Variants in EYS observed in about 807,000 individuals in gnomAD.
The protein encoded by EYS is protein eyes shut homolog.
In EYS, 250 loss-of-function variants were observed where a neutral mutation model predicts 282.1. That is an observed-to-expected ratio of 0.89 (90% CI 0.80 to 0.98). The LOEUF (loss-of-function observed/expected upper bound fraction) is 0.98. EYS is among the 50% of genes least tolerant of loss of function. The probability of loss-of-function intolerance (pLI) is 0.00; values close to 1 mark genes in which losing one functional copy is unlikely to be tolerated. For missense variants in EYS, 4,016 were observed against 3,709.0 expected (o/e 1.08, Z -2.15); for synonymous variants, 1,355 against 1,282.9 (o/e 1.06, Z -1.20).
rs150512861 is a variant in EYS, at chr6:64,876,621, T to C, written c.2992+10076A>G. ...ATAAACAGTTAAGTGACAGACTTAT[T>C]AGGAAGTGCTAATTGCTAGGAAGGG... On this transcript the variant is annotated intron_variant, in intron 19 of 42. Transcript: ENST00000503581. 1.2e-3 allele frequency among the ~76,000 whole-genome samples: 188 copies of C among 152,224 alleles called. 1 individual carries two copies. Among genetic ancestry groups the C allele is most frequent in the African/African-American group, 4.3e-3 (178 of 41,566 alleles).
intron 2 of EYS, among the ~76,000 whole-genome samples, chr6:65,607,134 T>C (rs565921068): frequency 6.6e-6 from 1 of 151,940 alleles, no homozygotes; most frequent in South Asian, 2.1e-4. Flanking sequence ...GAACTTTAAA[T>C]TCTCTCTCAA....
intron 30 of EYS, among the ~76,000 whole-genome samples, chr6:64,250,987 G>T (rs1767192068): frequency 6.6e-6 from 1 of 152,094 alleles, no homozygotes; most frequent in Admixed American, 6.6e-5. Flanking sequence ...AAAAGGCTCT[G>T]AGGGAAAGGA....
In EYS at chr6:64,549,949, A is replaced by T. The variant is rs756004587; in HGVS notation, c.5644+40274T>A. 2.1e-4 allele frequency among the ~76,000 whole-genome samples: 32 copies of T among 151,372 alleles called. 1 individual carries two copies. The highest frequency in any genetic ancestry group is 3.4e-3 in the Middle Eastern group (1 of 294). On this transcript the variant is annotated intron_variant, in intron 26 of 42. Transcript: ENST00000503581. ...CCCCTTCCTGTGTCCATGTATTCTC[A>T]TTGTTCAGTTCCCACCTATGAGGGA...
At chr6:64,205,473 T>C (rs1016394036) in intron 31 of EYS, among the ~76,000 whole-genome samples, 1 of 152,174 alleles carries the variant, frequency 6.6e-6, no homozygotes, top group Non-Finnish European at 1.5e-5. Flanking sequence ...GCAGTTTATG[T>C]AGAAGCAGAA....
intron 5 of EYS, among the ~76,000 whole-genome samples, chr6:65,431,528 T>C (rs1767885978): frequency 6.6e-6 from 1 of 151,982 alleles, no homozygotes; most frequent in African/African-American, 2.4e-5. Context: ...CTATTCTCTC[T>C]TCTGGGGAGC....
intron 22 of EYS, among the ~76,000 whole-genome samples, chr6:64,800,025 C>T (rs962757187): frequency 6.6e-6 from 1 of 151,908 alleles, no homozygotes; most frequent in Non-Finnish European, 1.5e-5. Context: ...CAATATATCA[C>T]TATCAGGTTT....
At chr6:63,870,317 G>A (rs1772771256) in intron 35 of EYS, among the ~76,000 whole-genome samples, 1 of 152,096 alleles carries the variant, frequency 6.6e-6, no homozygotes, top group African/African-American at 2.4e-5. Flanking sequence ...TGTTACCATG[G>A]TGAATTCACC....
chr6:64,290,730 A>G (rs1344849201), intron 30 of EYS, among the ~76,000 whole-genome samples: 1 of 151,824 alleles, frequency 6.6e-6, no homozygotes, highest in Non-Finnish European at 1.5e-5. Flanking sequence ...ATCATGTATC[A>G]TATGTTCGAG....
chr6:64,399,970 A>T (rs767807116), intron 28 of EYS, among the ~76,000 whole-genome samples: 108 of 151,978 alleles, frequency 7.1e-4, no homozygotes, highest in Non-Finnish European at 1.3e-3. Flanking sequence ...GATTTTCTGC[A>T]GAACAGCAAT....
chr6:64,609,346 A>G (rs2149843365), intron 24 of EYS, among the ~76,000 whole-genome samples: 1 of 152,320 alleles, frequency 6.6e-6, no homozygotes, highest in South Asian at 2.1e-4. Context: ...GAAGGATTGG[A>G]GATCATTCTA....
intron 29 of EYS, among the ~76,000 whole-genome samples, chr6:64,323,589 C>T (rs997093065): frequency 2.0e-5 from 3 of 151,956 alleles, no homozygotes; most frequent in African/African-American, 4.8e-5. Context: ...TCATGTTTCC[C>T]GACTATACTG....
At chr6:64,614,660 C>T (rs191129884) in intron 24 of EYS, among the ~76,000 whole-genome samples, 5 of 152,204 alleles carry the variant, frequency 3.3e-5, no homozygotes, top group African/African-American at 9.6e-5. Context: ...ATCTACTGAA[C>T]ATCATAGTTT....
At chr6:64,433,204 T>G (rs975465765) in intron 28 of EYS, among the ~76,000 whole-genome samples, 1 of 151,958 alleles carries the variant, frequency 6.6e-6, no homozygotes, top group African/African-American at 2.4e-5. Context: ...TCTATAAGGG[T>G]ACGTAAGGCA....
chr6:63,883,607 T>TG (rs1773189201), intron 35 of EYS, among the ~76,000 whole-genome samples: 1 of 152,250 alleles, frequency 6.6e-6, no homozygotes, highest in South Asian at 2.1e-4. Context: ...CTCTGCTTAA[T>TG]GCCGGCTTTT....
intron 29 of EYS, among the ~76,000 whole-genome samples, chr6:64,376,800 T>A (rs1235198405): frequency 6.9e-6 from 1 of 144,062 alleles, no homozygotes; most frequent in Non-Finnish European, 1.5e-5. Context: ...TTATTTTTTT[T>A]AAAGTGAATT....
intron 33 of EYS, among the ~76,000 whole-genome samples, chr6:64,025,250 G>T (rs1264844710): frequency 6.6e-6 from 1 of 152,076 alleles, no homozygotes; most frequent in Admixed American, 6.5e-5. Flanking sequence ...CCGTTGGTTT[G>T]CCTAGAACCA....
chr6:65,438,784 T>A (rs1260551710), intron 5 of EYS, among the ~76,000 whole-genome samples: 1 of 152,110 alleles, frequency 6.6e-6, no homozygotes, highest in Non-Finnish European at 1.5e-5. Context: ...ATTGCAAAAA[T>A]TTTCTCCCAT....
rs200738612 is a variant in EYS, at chr6:65,645,176, GC to G, written c.-447-5285del. On this transcript the variant is annotated intron_variant, in intron 1 of 42. Transcript: ENST00000503581. ...CAATGGACTTAGACTATACCCTACA[GC>G]AAATGGATTTAATAGATATTTACAG... is the stretch of plus-strand genomic sequence containing the variant. 3.6e-3 allele frequency among the ~76,000 whole-genome samples: 541 copies of G among 152,132 alleles called. 24 individuals carry two copies. In the East Asian group the frequency reaches 0.084, roughly 24 times the overall value.
At chr6:65,136,550 A>G (rs1275327609) in intron 12 of EYS, among the ~76,000 whole-genome samples, 1 of 152,142 alleles carries the variant, frequency 6.6e-6, no homozygotes, top group Non-Finnish European at 1.5e-5. Flanking sequence ...GTGATAGACT[A>G]TTTACTAACA....
Sources: gnomAD v4.1 joint callset for allele counts (sites outside exome capture counted in the v4.1 genomes callset) on GRCh38, gnomAD v4.1.1 for gene constraint, MANE v1.5 for transcripts, NCBI Gene and HGNC (gene_info 2026-07-23, HGNC 2026-07-21) for gene names.